The following HDAC4 variants were observed in gnomAD, a reference collection of about 807,000 sequenced individuals.
HDAC4 encodes the protein histone deacetylase 4.
HDAC4 carries 16 observed loss-of-function variants against 135.1 expected under a neutral mutation model. The observed-to-expected ratio is 0.12, with a 90% CI of 0.08 to 0.18. The LOEUF is 0.18. HDAC4 is among the 10% of genes least tolerant of loss of function. The pLI is 1.00. For synonymous variants in HDAC4, 685 were observed against 653.4 expected (o/e 1.05, Z -0.74); for missense variants, 1,143 against 1,511.8 (o/e 0.76, Z 4.05).
intron 2 of HDAC4, among the ~76,000 whole-genome samples, chr2:239,256,120 T>A (rs1290278751): frequency 6.6e-6 from 1 of 152,218 alleles, no homozygotes; most frequent in African/African-American, 2.4e-5. Flanking sequence ...GTGTGGAGCA[T>A]CTCAAGTGTG....
intron 2 of HDAC4, among the ~76,000 whole-genome samples, chr2:239,281,208 AACACACCACTCTACACACAATGT>A (rs1265723283): frequency 3.9e-5 from 4 of 103,424 alleles, no homozygotes; most frequent in Non-Finnish European, 8.5e-5. Flanking sequence ...CTCTACAATG[AACACACCACTCTACACACAATGT>A]ACACACCACT....
At chr2:239,113,927 C>A (rs965616611) in intron 13 of HDAC4, among the ~76,000 whole-genome samples, 3 of 152,130 alleles carry the variant, frequency 2.0e-5, no homozygotes, top group African/African-American at 7.2e-5. Flanking sequence ...GAGACAGGCC[C>A]CCCTCTGAAC....
intron 4 of HDAC4, among the ~76,000 whole-genome samples, chr2:239,177,988 A>G (rs2043879197): frequency 6.6e-6 from 1 of 152,160 alleles, no homozygotes. Flanking sequence ...CTGTCCTGGG[A>G]CCCAACCCAG....
chr2:239,321,794 A>G (rs576699446), intron 2 of HDAC4, among the ~76,000 whole-genome samples: 219 of 152,288 alleles, frequency 1.4e-3, no homozygotes, highest in African/African-American at 5.1e-3. Context: ...CGCCCACACC[A>G]GGACTTCCCC....
rs78726094 is a variant in HDAC4 at position 239,306,993 on chromosome 2, T to C, written c.22+45685A>G. On this transcript the variant is annotated intron_variant, in intron 2 of 26. Transcript: ENST00000543185. The surrounding 1 kb of genome is among the most constrained non-coding windows in gnomAD (Gnocchi z 4.5). ...AGAAGCAGCAGGAGCCGCAGGACCA[T>C]AGGGGCCACCGGCAGGGTGGGTGAT... 0.076 allele frequency among the ~76,000 whole-genome samples: 11,626 copies of C among 152,036 alleles called. 1,028 individuals carry two copies. The highest frequency in any genetic ancestry group is 0.22 in the African/African-American group (8,953 of 41,450).
intron 25 of HDAC4, among the ~76,000 whole-genome samples, chr2:239,054,510 T>A (rs894685070): frequency 6.6e-5 from 10 of 152,114 alleles, no homozygotes; most frequent in African/African-American, 2.4e-4. Context: ...TTCTCTAGAC[T>A]TACAAATTGG....
rs780471522 is a variant in HDAC4 at position 239,303,827 on chromosome 2, G to A, written c.22+48851C>T. ...CGGCACTCGCCTATGCTCTCATGAA[G>A]CCCCGTGCCAAGGGCTTCTCCGGGA... On this transcript the variant is annotated intron_variant, in intron 2 of 26. Coordinates refer to ENST00000543185, the MANE Select transcript of HDAC4 (RefSeq NM_001378414.1). The surrounding 1 kb of genome is among the most constrained non-coding windows in gnomAD (Gnocchi z 5.1). Among the ~76,000 whole-genome samples, 4 of 152,146 alleles carry A rather than the reference G, an allele frequency of 2.6e-5. No individual in the cohort carries two copies. The highest frequency in any genetic ancestry group is 4.4e-5 in the Non-Finnish European group (3 of 68,016).
At chr2:239,136,467 C>A (rs1304772082) in intron 9 of HDAC4, among the ~76,000 whole-genome samples, 1 of 152,200 alleles carries the variant, frequency 6.6e-6, no homozygotes, top group Non-Finnish European at 1.5e-5. Context: ...TTGATTCGAC[C>A]TCTTGGCTAT....
At chr2:239,103,827 A>G (rs1441920942) in intron 15 of HDAC4, among the ~76,000 whole-genome samples, 1 of 152,258 alleles carries the variant, frequency 6.6e-6, no homozygotes, top group Non-Finnish European at 1.5e-5. Flanking sequence ...GCCGTAGCAC[A>G]CAGCCTTCCT....
intron 2 of HDAC4, among the ~76,000 whole-genome samples, chr2:239,320,801 A>G (rs1288289262): frequency 6.6e-6 from 1 of 152,218 alleles, no homozygotes; most frequent in African/African-American, 2.4e-5. Context: ...CAAGGCCTCT[A>G]GAGTTTTCCA....
chr2:239,312,167 A>T (rs2052911784), intron 2 of HDAC4, among the ~76,000 whole-genome samples: 1 of 152,186 alleles, frequency 6.6e-6, no homozygotes, highest in African/African-American at 2.4e-5. Context: ...GCAACCTGGA[A>T]GGAGGGGCGG....
chr2:239,157,305 C>A (rs1041573177), intron 6 of HDAC4, among the ~76,000 whole-genome samples: 2 of 152,206 alleles, frequency 1.3e-5, no homozygotes, highest in African/African-American at 2.4e-5. Flanking sequence ...TCAGAAGGCA[C>A]CCATCGTCAT....
At chr2:239,338,719 C>G (rs779285010) in intron 2 of HDAC4, among the ~76,000 whole-genome samples, 3 of 152,174 alleles carry the variant, frequency 2.0e-5, no homozygotes, top group Admixed American at 1.3e-4. Flanking sequence ...ACTGAGAGGA[C>G]CACAGTATTC....
chr2:239,302,874 G>A (rs1447645630), intron 2 of HDAC4, among the ~76,000 whole-genome samples: 1 of 152,260 alleles, frequency 6.6e-6, no homozygotes, highest in Non-Finnish European at 1.5e-5. Context: ...ACCCATAGGA[G>A]GGACTTGCTG....
At chr2:239,212,993 G>A (rs972237230) in intron 3 of HDAC4, among the ~76,000 whole-genome samples, 1 of 152,202 alleles carries the variant, frequency 6.6e-6, no homozygotes, top group African/African-American at 2.4e-5. Flanking sequence ...CTGTACCCAC[G>A]TGGGTTCCAG....
In HDAC4 at chr2:239,148,689, C is replaced by T. The variant is rs535991775; in HGVS notation, c.734-3975G>A. Among the ~76,000 whole-genome samples the T allele has an allele frequency of 1.5e-3, 236 of 152,364 alleles. 1 individual carries two copies. Among genetic ancestry groups the T allele is most frequent in the African/African-American group, 5.4e-3 (226 of 41,586 alleles). On this transcript the variant is annotated intron_variant, in intron 7 of 26. Transcript: ENST00000543185. Reference sequence around the variant, plus strand: ...AAAACTCATGCTCCATGCACGACTTCTCCAAGAGCCACTGGAAGACGTGCA... The same window carrying T: ...AAAACTCATGCTCCATGCACGACTTTTCCAAGAGCCACTGGAAGACGTGCA...
chr2:239,270,809 G>A (rs1160390111), intron 2 of HDAC4, among the ~76,000 whole-genome samples: 1 of 152,184 alleles, frequency 6.6e-6, no homozygotes, highest in Non-Finnish European at 1.5e-5. Flanking sequence ...GACTTAAGTG[G>A]CTCTTAGTTC....
rs1410595995 is a variant in HDAC4 at position 239,265,069 on chromosome 2, T to C, written c.23-28405A>G. Among the ~76,000 whole-genome samples the C allele has an allele frequency of 2.6e-5, 4 of 152,138 alleles. No homozygotes were observed. In the East Asian group the frequency reaches 7.8e-4, roughly 30 times the overall value. The stretch of plus-strand genomic sequence containing the variant: ...CTGACAGGGGCTGGAGAGTGGGGGA[T>C]GGGGGCCAAAGAGCCAGGGGCCAGC... On this transcript the variant is annotated intron_variant, in intron 2 of 26. Transcript: ENST00000543185.
At chr2:239,256,229 T>TCC (rs1258793633) in intron 2 of HDAC4, among the ~76,000 whole-genome samples, 11 of 152,344 alleles carry the variant, frequency 7.2e-5, no homozygotes, top group African/African-American at 2.6e-4. Context: ...TGGGGCTCCT[T>TCC]CTAGGAGGCT....
Sources: allele counts gnomAD v4.1 joint callset (sites outside exome capture counted in the v4.1 genomes callset), GRCh38; gene constraint gnomAD v4.1.1; non-coding constraint Gnocchi (gnomAD v3.1); transcripts MANE v1.5; gene names NCBI Gene and HGNC (gene_info 2026-07-23, HGNC 2026-07-21).